Variants in EPB41 observed in about 807,000 individuals in gnomAD.
EPB41 encodes the protein erythrocyte membrane protein band 4.1, also known as protein 4.1.
EPB41 carries 65 observed loss-of-function variants against 108.0 expected under a neutral mutation model. That is an observed-to-expected ratio of 0.60 (90% confidence interval 0.49 to 0.74). EPB41 has a LOEUF of 0.74. Ranked by LOEUF, EPB41 falls within the 30% of genes least tolerant of loss-of-function variation. EPB41 has a pLI of 0.00. For synonymous variants in EPB41, 336 were observed against 358.9 expected, an observed-to-expected ratio of 0.94 and a Z score of 0.72; for missense variants, 875 against 1,037.0, an observed-to-expected ratio of 0.84 and a Z score of 2.15.
At chr1:28,973,571 T>G (rs2985324) in intron 1 of EPB41, among the ~76,000 whole-genome samples, 47,576 of 151,764 alleles carry the variant, frequency 0.31, 8,984 homozygotes, top group East Asian at 0.85. Flanking sequence ...TTTATTTTTA[T>G]TTTTTTAGAA....
intron 1 of EPB41, among the ~76,000 whole-genome samples, chr1:28,950,972 A>G (rs1050605991): frequency 6.6e-6 from 1 of 152,032 alleles, no homozygotes; most frequent in Non-Finnish European, 1.5e-5. Context: ...AGTAGCTGGG[A>G]TTACAGGCCT....
At chr1:29,012,528 G>A (rs930966170) in intron 5 of EPB41, among the ~76,000 whole-genome samples, 1 of 152,226 alleles carries the variant, frequency 6.6e-6, no homozygotes, top group East Asian at 1.9e-4. Context: ...CTGGTGTCCT[G>A]GGATAAATAT....
chr1:29,041,910 G>A (rs1001881980), intron 11 of EPB41, among the ~76,000 whole-genome samples: 2 of 152,142 alleles, frequency 1.3e-5, no homozygotes, highest in Non-Finnish European at 2.9e-5. Flanking sequence ...GAATAAATGA[G>A]GTGGCATATG....
intron 8 of EPB41, 59 bp from the exon 9 acceptor site, chr1:29,033,034 G>A (rs2096810113): frequency 2.0e-6 from 3 of 1,513,032 alleles, no homozygotes; most frequent in Non-Finnish European, 2.7e-6. Context: ...TCTAGTAATA[G>A]TCAACAGTGT....
chr1:29,039,855 CTAAT>C, intron 11 of EPB41, among the ~76,000 whole-genome samples: 1 of 152,008 alleles, frequency 6.6e-6, no homozygotes, highest in East Asian at 1.9e-4. Flanking sequence ...AGGGATCTTA[CTAAT>C]TGTCTAATCT....
rs1316419075 is a variant in EPB41, at chr1:29,109,318, C to G, written c.2314-18C>G. The stretch of plus-strand genomic sequence containing the variant: ...TCTTCCTGAGAGGCATGATGATGAG[C>G]CATGCTTTCTTCTGCAGACTGACGA... On this transcript the variant is annotated intron_variant, in intron 17 of 20. Coordinates refer to ENST00000343067, the MANE Select transcript of EPB41 (RefSeq NM_001376013.1). The G allele has an allele frequency of 6.3e-7, 1 of 1,597,786 alleles. No homozygotes were observed.
At chr1:28,892,938 G>C (rs897534327) in intron 1 of EPB41, among the ~76,000 whole-genome samples, 2 of 151,448 alleles carry the variant, frequency 1.3e-5, no homozygotes, top group Non-Finnish European at 2.9e-5. Context: ...TGAGTAGCTG[G>C]GATTATAGGC....
At chr1:29,011,122 C>CAAAAAAAAAA (rs71022386) in intron 4 of EPB41, among the ~76,000 whole-genome samples, 2 of 113,744 alleles carry the variant, frequency 1.8e-5, no homozygotes, top group Non-Finnish European at 3.6e-5. Context: ...GAAACTCTGT[C>CAAAAAAAAAA]AAAAAAAAAA....
At position 28,951,948 on chromosome 1, in the gene EPB41, T is replaced by TA. The variant is rs2094742953; in HGVS notation, c.-7-35482dup. Among the ~76,000 whole-genome samples the TA allele has an allele frequency of 3.9e-5, 6 of 152,196 alleles. No individual in the cohort carries two copies. The South Asian group carries it at 1.2e-3, about 31-fold the overall frequency. On this transcript the variant is annotated intron_variant, in intron 1 of 20. Coordinates refer to ENST00000343067, the MANE Select transcript of EPB41 (RefSeq NM_001376013.1). ...GAAAACTAAGAATTGGCTTGAAAATTAGTGTTACTGTTTGATCTTGATTTC... is the reference window on the plus strand; with the variant it reads ...GAAAACTAAGAATTGGCTTGAAAATTAAGTGTTACTGTTTGATCTTGATTTC...
chr1:29,053,017 G>T, intron 11 of EPB41, 87 bp from the exon 12 acceptor site: 1 of 1,416,958 alleles, frequency 7.1e-7, no homozygotes, highest in Non-Finnish European at 9.8e-7. Context: ...GTGTATCCTG[G>T]ATTCACAATT....
At chr1:29,054,513 G>A (rs1484211737) in intron 12 of EPB41, 1 of 143,292 alleles carries the variant, frequency 7.0e-6, no homozygotes, top group East Asian at 2.1e-4. Context: ...GCAGTGGACA[G>A]TCTAACTATG....
chr1:28,889,826 G>C, intron 1 of EPB41: 1 of 985,288 alleles, frequency 1.0e-6, no homozygotes, highest in African/African-American at 1.7e-5. Context: ...TCTTGAGCAC[G>C]TACTGTGCAC....
chr1:29,105,378 C>T (rs1666786037), intron 17 of EPB41, among the ~76,000 whole-genome samples: 1 of 151,906 alleles, frequency 6.6e-6, no homozygotes, highest in Non-Finnish European at 1.5e-5. Flanking sequence ...GCCAGGATTA[C>T]AGGTGCCCAC....
At chr1:29,085,097 C>T (rs1332571014) in intron 16 of EPB41, among the ~76,000 whole-genome samples, 1 of 151,052 alleles carries the variant, frequency 6.6e-6, no homozygotes, top group East Asian at 1.9e-4. Context: ...ATATCACTAA[C>T]CTAAAGTTAT....
rs151316095 is a variant in EPB41, at chr1:28,981,130, C to T, written c.-7-6301C>T. On this transcript the variant is annotated intron_variant, in intron 1 of 20. Coordinates refer to ENST00000343067, the MANE Select transcript of EPB41 (RefSeq NM_001376013.1). Reference sequence around the variant, plus strand: ...TGTCTGAAGAAACCAGTGAAGTTACCGACTGGTTCAAAAATAATTACGTGC... The same window carrying T: ...TGTCTGAAGAAACCAGTGAAGTTACTGACTGGTTCAAAAATAATTACGTGC... Among the ~76,000 whole-genome samples the T allele has an allele frequency of 4.0e-3, 605 of 152,190 alleles. 6 individuals carry two copies. Among genetic ancestry groups the T allele is most frequent in the African/African-American group, 0.013 (560 of 41,522 alleles).
chr1:29,010,190 T>C (rs1437993571), intron 4 of EPB41, among the ~76,000 whole-genome samples: 2 of 152,094 alleles, frequency 1.3e-5, no homozygotes, highest in African/African-American at 4.8e-5. Flanking sequence ...TACAAAAAAA[T>C]TAGCCAGGCA....
chr1:29,018,140 C>A lies in EPB41; in HGVS notation c.906-84C>A. ...CCTTATTTTTTCTCTCTCTCCCTTT[C>A]TGTTTCTCCCCTTTTCTCCTTTTTC... On this transcript the variant is annotated intron_variant, in intron 6 of 20. Transcript: ENST00000343067. This position sits in a 1 kb window ranked among gnomAD's most constrained non-coding sequence, Gnocchi z 4.4. The A allele has an allele frequency of 8.1e-7, 1 of 1,231,276 alleles. No homozygotes were observed. The highest frequency in any genetic ancestry group is 1.3e-5 in the South Asian group (1 of 79,876). The allele number at this position is 1,231,276 out of a possible 1,614,324, so 76.3% of individuals were successfully genotyped here.
chr1:29,041,927 A>G (rs1485698191), intron 11 of EPB41, among the ~76,000 whole-genome samples: 5 of 152,204 alleles, frequency 3.3e-5, no homozygotes, highest in Admixed American at 6.5e-5. Flanking sequence ...TATGTATGGT[A>G]TTTAGCACAA....
chr1:29,105,558 TATA>T (rs1310795018), intron 17 of EPB41, among the ~76,000 whole-genome samples: 1 of 152,150 alleles, frequency 6.6e-6, no homozygotes, highest in Non-Finnish European at 1.5e-5. Context: ...TCTTTCTGAA[TATA>T]ATATTTTTTA....
Sources: allele counts gnomAD v4.1 joint callset (sites outside exome capture counted in the v4.1 genomes callset), GRCh38; gene constraint gnomAD v4.1.1; non-coding constraint Gnocchi (gnomAD v3.1); transcripts MANE v1.5; gene names NCBI Gene and HGNC (gene_info 2026-07-23, HGNC 2026-07-21).